DNER: variants seen among roughly 807,000 people sequenced by gnomAD.
The protein encoded by DNER is delta/notch like EGF repeat containing.
In DNER, 33 loss-of-function variants were observed where a neutral mutation model predicts 78.2. That is an observed-to-expected ratio of 0.42 (90% CI 0.32 to 0.56). The LOEUF (loss-of-function observed/expected upper bound fraction) is 0.56, where lower values mean the gene tolerates loss of function less well. Among genes scored for constraint, DNER ranks in the 20% least tolerant of loss-of-function variants. The pLI is 0.11. For missense variants in DNER, 918 were observed against 975.3 expected (o/e 0.94, Z 0.78); for synonymous variants, 417 against 384.8 (o/e 1.08, Z -0.98).
intron 4 of DNER, among the ~76,000 whole-genome samples, chr2:229,574,066 T>C (rs888690353): frequency 6.6e-6 from 1 of 152,180 alleles, no homozygotes. Context: ...ACACGTAAAT[T>C]TCAAGTTGAA....
intron 12 of DNER, 50 bp from the exon 13 acceptor site, chr2:229,358,701 T>A: frequency 6.7e-7 from 1 of 1,489,436 alleles, no homozygotes; most frequent in Non-Finnish European, 9.3e-7. Flanking sequence ...AGATCTCAAG[T>A]TTAATTAAAG....
At chr2:229,703,618 C>T (rs921509039) in intron 1 of DNER, among the ~76,000 whole-genome samples, 7 of 152,202 alleles carry the variant, frequency 4.6e-5, no homozygotes, top group Non-Finnish European at 8.8e-5. Flanking sequence ...GTGGCTGATG[C>T]ATGTAGTCCT....
intron 11 of DNER, among the ~76,000 whole-genome samples, chr2:229,382,970 C>A (rs953889741): frequency 6.6e-6 from 1 of 152,114 alleles, no homozygotes; most frequent in Non-Finnish European, 1.5e-5. Flanking sequence ...ATCAGATTCA[C>A]CACAATTGAA....
At chr2:229,641,951 C>T (rs1416939517) in intron 1 of DNER, among the ~76,000 whole-genome samples, 1 of 152,014 alleles carries the variant, frequency 6.6e-6, no homozygotes, top group Non-Finnish European at 1.5e-5. Flanking sequence ...CGAGATATAA[C>T]ATTAGGGTGT....
chr2:229,587,732 AC>A (rs1055955411), intron 3 of DNER, among the ~76,000 whole-genome samples: 18 of 152,044 alleles, frequency 1.2e-4, no homozygotes, highest in Non-Finnish European at 2.2e-4. Flanking sequence ...GGCCTGGGGC[AC>A]CCTAATACTG....
At chr2:229,593,995 G>T (rs895650309) in intron 1 of DNER, among the ~76,000 whole-genome samples, 2 of 152,224 alleles carry the variant, frequency 1.3e-5, no homozygotes, top group African/African-American at 4.8e-5. Context: ...CCACCCATCT[G>T]GTGGCCTGAG....
At chr2:229,452,075 T>C (rs945748534) in intron 7 of DNER, among the ~76,000 whole-genome samples, 3 of 152,198 alleles carry the variant, frequency 2.0e-5, no homozygotes, top group African/African-American at 4.8e-5. Context: ...ACTGGTCTTA[T>C]ATGTTACACT....
chr2:229,687,038 T>C (rs1306903441), intron 1 of DNER, among the ~76,000 whole-genome samples: 1 of 152,196 alleles, frequency 6.6e-6, no homozygotes. Context: ...ATAATTTTGA[T>C]TATAGCACTG....
intron 8 of DNER, among the ~76,000 whole-genome samples, chr2:229,431,970 T>G (rs1179449477): frequency 6.6e-6 from 1 of 152,222 alleles, no homozygotes; most frequent in East Asian, 1.9e-4. Context: ...TATAAACATA[T>G]GGTGTCTACA....
At chr2:229,645,236 G>A (rs987610039) in intron 1 of DNER, among the ~76,000 whole-genome samples, 7 of 152,088 alleles carry the variant, frequency 4.6e-5, no homozygotes, top group African/African-American at 1.7e-4. Flanking sequence ...CAAACTCCTA[G>A]CCTCAAAGGA....
At chr2:229,671,346 G>A (rs1699204820) in intron 1 of DNER, among the ~76,000 whole-genome samples, 1 of 152,176 alleles carries the variant, frequency 6.6e-6, no homozygotes, top group South Asian at 2.1e-4. Context: ...TACCTAAGCT[G>A]TTCCTCCTGC....
At chr2:229,630,191 C>T (rs979076275) in intron 1 of DNER, among the ~76,000 whole-genome samples, 3 of 152,120 alleles carry the variant, frequency 2.0e-5, no homozygotes, top group Non-Finnish European at 4.4e-5. Flanking sequence ...ATAAAACCTT[C>T]TGGGCCAGGA....
intron 7 of DNER, among the ~76,000 whole-genome samples, chr2:229,463,285 T>C (rs918345): frequency 0.16 from 24,437 of 151,064 alleles, 2,510 homozygotes; most frequent in Admixed American, 0.21. Context: ...TTCCAACAGA[T>C]TTGCAACACA....
At chr2:229,472,103 G>T (rs890558746) in intron 7 of DNER, among the ~76,000 whole-genome samples, 5 of 152,186 alleles carry the variant, frequency 3.3e-5, no homozygotes, top group African/African-American at 4.8e-5. Context: ...TGTAATACTT[G>T]ACTTCATAAT....
At chr2:229,657,349 A>G (rs1032276399) in intron 1 of DNER, among the ~76,000 whole-genome samples, 6 of 152,184 alleles carry the variant, frequency 3.9e-5, no homozygotes, top group South Asian at 2.1e-4. Context: ...AAATATTCCA[A>G]TGTATATAGA....
intron 7 of DNER, among the ~76,000 whole-genome samples, chr2:229,463,524 T>A (rs1475745050): frequency 2.6e-5 from 4 of 152,202 alleles, no homozygotes; most frequent in Admixed American, 6.5e-5. Context: ...CTCAGCAGCC[T>A]TGAACTCCTG....
chr2:229,566,692 A>G (rs1035915424), intron 4 of DNER, among the ~76,000 whole-genome samples: 1 of 152,104 alleles, frequency 6.6e-6, no homozygotes, highest in Non-Finnish European at 1.5e-5. Flanking sequence ...CAGGCTCACA[A>G]ATACCTAGAA....
chr2:229,714,305 G>C lies in DNER; in HGVS notation c.119C>G (p.Ala40Gly). The C allele has an allele frequency of 7.7e-7, 1 of 1,302,804 alleles. No homozygotes were observed. Among genetic ancestry groups the C allele is most frequent in the Non-Finnish European group, 9.7e-7 (1 of 1,030,284 alleles). 80.7% of individuals were successfully genotyped at this position (1,302,804 alleles called of 1,614,324 possible). A position where few individuals can be genotyped will look rare whatever the true frequency, so the allele number is the denominator to read the frequency against. ...GCACGGCCCGGGCGCAGACAGGGGCGCGGCGGGCACCGGGTTGGCCAGGGA... is the reference window on the plus strand; with the variant it reads ...GCACGGCCCGGGCGCAGACAGGGGCCCGGCGGGCACCGGGTTGGCCAGGGA... Reference protein sequence around the residue: ...GSSLANPVPAAPLSAPGPCAA... With the variant: ...GSSLANPVPAGPLSAPGPCAA... The change falls in exon 1 of 13, where the codon GCG becomes GGG. Residue 40 changes from alanine (A) to glycine (G), a missense_variant. Coordinates refer to ENST00000341772, the MANE Select transcript of DNER (RefSeq NM_139072.4).
chr2:229,488,175 C>T (rs1695317630), intron 6 of DNER, among the ~76,000 whole-genome samples: 1 of 152,164 alleles, frequency 6.6e-6, no homozygotes, highest in African/African-American at 2.4e-5. Context: ...GTGGGCAATG[C>T]CCTTGCAGAA....
Sources: gnomAD v4.1 joint callset for allele counts (sites outside exome capture counted in the v4.1 genomes callset) on GRCh38, gnomAD v4.1.1 for gene constraint, MANE v1.5 for transcripts, NCBI Gene and HGNC (gene_info 2026-07-23, HGNC 2026-07-21) for gene names.